The following CPEB1 variants were observed in gnomAD, a reference collection of about 807,000 sequenced individuals.
CPEB1 encodes cytoplasmic polyadenylation element binding protein 1, also known as cytoplasmic polyadenylation element-binding protein 1.
CPEB1 carries 7 observed loss-of-function variants against 65.8 expected under a neutral mutation model. That is an observed-to-expected ratio of 0.11 (90% confidence interval 0.06 to 0.20). CPEB1 has a LOEUF of 0.20. Ranked by LOEUF, CPEB1 falls within the 10% of genes least tolerant of loss-of-function variation. The pLI, the probability that CPEB1 is intolerant of heterozygous loss-of-function variation, is 1.00. For synonymous variants in CPEB1, 262 were observed against 260.0 expected (o/e 1.01, Z -0.08); for missense variants, 551 against 712.2 (o/e 0.77, Z 2.58).
At chr15:82,593,271 C>T (rs1327476528) in intron 3 of CPEB1, among the ~76,000 whole-genome samples, 1 of 152,214 alleles carries the variant, frequency 6.6e-6, no homozygotes, top group African/African-American at 2.4e-5. Context: ...AGTCAATCCT[C>T]TCAAACTCTG....
intron 3 of CPEB1, among the ~76,000 whole-genome samples, chr15:82,602,955 A>C (rs1353378212): frequency 6.6e-6 from 1 of 152,246 alleles, no homozygotes; most frequent in African/African-American, 2.4e-5. Flanking sequence ...ACCAATGAGA[A>C]CACTAGCAAA....
chr15:82,603,949 T>A (rs185950466), intron 3 of CPEB1, among the ~76,000 whole-genome samples: 1 of 152,354 alleles, frequency 6.6e-6, no homozygotes, highest in Non-Finnish European at 1.5e-5. Context: ...GAAACAAGTA[T>A]GGCCCATTCA....
chr15:82,568,701 G>A (rs2039542495), intron 4 of CPEB1, among the ~76,000 whole-genome samples: 1 of 152,144 alleles, frequency 6.6e-6, no homozygotes, highest in South Asian at 2.1e-4. Flanking sequence ...AAATCCTTAG[G>A]GGAAAAAATG....
intron 3 of CPEB1, among the ~76,000 whole-genome samples, chr15:82,600,065 C>T (rs1567212183): frequency 6.6e-6 from 1 of 151,920 alleles, no homozygotes; most frequent in Admixed American, 6.6e-5. Context: ...ATGAAAGATA[C>T]CAGTCTATAC....
upstream of CPEB1, chr15:82,647,678 G>GCCCTCCAC (rs1455397374): frequency 1.2e-5 from 5 of 410,812 alleles, no homozygotes; most frequent in South Asian, 2.5e-4. Context: ...TGCCCCCCTC[G>GCCCTCCAC]CCCTCCACCC....
chr15:82,642,136 T>C lies in CPEB1; in HGVS notation c.-98+5001A>G, dbSNP rs188905035. ...TCCTATCTTCAACATAAAAACTTTC[T>C]ACGGAATCTGTGCTCACAGAAGATG... On this transcript the variant is annotated intron_variant, in intron 1 of 12. Transcript: ENST00000684509. Among the ~76,000 whole-genome samples, 292 of 152,366 alleles carry C rather than the reference T, an allele frequency of 1.9e-3. 6 individuals are homozygous for C. Among genetic ancestry groups the C allele is most frequent in the Non-Finnish European group, 6.6e-4 (45 of 68,034 alleles).
At chr15:82,593,818 T>C (rs1349886876) in intron 3 of CPEB1, among the ~76,000 whole-genome samples, 4 of 152,222 alleles carry the variant, frequency 2.6e-5, no homozygotes, top group African/African-American at 9.6e-5. Flanking sequence ...ATTAATCTCC[T>C]TGTACATCTC....
intron 1 of CPEB1, among the ~76,000 whole-genome samples, chr15:82,632,719 A>G (rs2046365710): frequency 6.6e-6 from 1 of 151,590 alleles, no homozygotes; most frequent in African/African-American, 2.4e-5. Context: ...CTCAGAGAAA[A>G]GGTCTCGCTA....
intron 1 of CPEB1, among the ~76,000 whole-genome samples, chr15:82,634,419 G>A (rs2046495876): frequency 6.6e-6 from 1 of 152,060 alleles, no homozygotes; most frequent in African/African-American, 2.4e-5. Context: ...ATCTTTACTT[G>A]GGGATACTCA....
At chr15:82,597,061 C>T (rs149023738) in intron 3 of CPEB1, among the ~76,000 whole-genome samples, 12 of 152,292 alleles carry the variant, frequency 7.9e-5, no homozygotes, top group East Asian at 1.9e-4. Context: ...CGTTGGCTCA[C>T]GCCTGTAATC....
intron 3 of CPEB1, among the ~76,000 whole-genome samples, chr15:82,588,915 T>A (rs1367346266): frequency 1.3e-5 from 2 of 152,220 alleles, no homozygotes; most frequent in African/African-American, 4.8e-5. Flanking sequence ...AGATTGAGTA[T>A]CTTTCATGTT....
rs1292368791 is a variant in CPEB1 at position 82,549,678 on chromosome 15, G to C, written c.1282-20C>G. On this transcript the variant is annotated intron_variant, in intron 9 of 12. Transcript: ENST00000684509. ...CTGCACCTGAAAACCACCCAAAGGT[G>C]TATCAGCCCTGGCAGAGAGCCACAG... 3.1e-6 allele frequency: 5 copies of C among 1,611,954 alleles called. No homozygotes were observed. The highest frequency in any genetic ancestry group is 3.4e-6 in the Non-Finnish European group (4 of 1,178,126).
At chr15:82,567,731 G>T (rs2039387194) in intron 4 of CPEB1, among the ~76,000 whole-genome samples, 1 of 152,190 alleles carries the variant, frequency 6.6e-6, no homozygotes, top group Non-Finnish European at 1.5e-5. Flanking sequence ...CATGTCCTCT[G>T]GCAACCTTAG....
At chr15:82,548,565 T>G in intron 10 of CPEB1, 1 of 335,378 alleles carries the variant, frequency 3.0e-6, no homozygotes, top group Non-Finnish European at 6.0e-6. Context: ...AGAGCATAGG[T>G]TAAGGTTAAA....
chr15:82,592,802 C>G (rs1365771855), intron 3 of CPEB1, among the ~76,000 whole-genome samples: 3 of 151,990 alleles, frequency 2.0e-5, no homozygotes, highest in Admixed American at 2.0e-4. Context: ...CGAGACCATC[C>G]GGGCTAACAT....
In CPEB1 at chr15:82,546,507, G is replaced by A. The variant is rs769137770; in HGVS notation, c.1590C>T (p.Pro530=). The A allele has an allele frequency of 6.2e-7, 1 of 1,613,962 alleles. No individual in the cohort carries two copies. The change falls in exon 12 of 13, where the codon CCC becomes CCT. Residue 530 remains proline (P), a synonymous_variant. Coordinates refer to ENST00000684509, the MANE Select transcript of CPEB1 (RefSeq NM_001365242.1). ...TKFTKKVQID[P]YLEDSLCHIC... ...TATGACACAGAGAATCTTCTAGGTA[G>A]GGGTCAATCTGAACCTGCACAAAGG... is the stretch of plus-strand genomic sequence containing the variant.
intron 3 of CPEB1, among the ~76,000 whole-genome samples, chr15:82,600,407 T>C (rs1398177127): frequency 6.6e-6 from 1 of 151,856 alleles, no homozygotes; most frequent in African/African-American, 2.4e-5. Context: ...TTAAATATGC[T>C]CCTTGAGCAG....
intron 3 of CPEB1, among the ~76,000 whole-genome samples, chr15:82,618,093 T>C (rs1301568227): frequency 6.6e-6 from 1 of 151,634 alleles, no homozygotes; most frequent in East Asian, 1.9e-4. Flanking sequence ...TGTAAGCTTA[T>C]TAAAAAAAAA....
rs1457765806 is a variant in CPEB1 at position 82,544,155 on chromosome 15, C to T, written c.*437G>A. ...TGTATGGCAACTGCAAGAATGAAAC[C>T]AATGAGACCTGCGCATCATCACCAT... On this transcript the variant is annotated 3_prime_UTR_variant, in exon 13 of 13. Transcript: ENST00000684509. 6.4e-6 allele frequency: 1 copy of T among 156,418 alleles called. No homozygotes were observed. The highest frequency in any genetic ancestry group is 1.4e-5 in the Non-Finnish European group (1 of 70,830). The allele number at this position is 156,418 out of a possible 1,614,324, so 9.7% of individuals were successfully genotyped here.
Sources: gnomAD v4.1 joint callset for allele counts (sites outside exome capture counted in the v4.1 genomes callset) on GRCh38, gnomAD v4.1.1 for gene constraint, MANE v1.5 for transcripts, NCBI Gene and HGNC (gene_info 2026-07-23, HGNC 2026-07-21) for gene names.